FAM227A: variants seen among roughly 807,000 people sequenced by gnomAD.
FAM227A encodes family with sequence similarity 227 member A, also known as protein FAM227A.
FAM227A carries 80 observed loss-of-function variants against 74.7 expected under a neutral mutation model. The observed-to-expected ratio is 1.07, with a 90% confidence interval of 0.89 to 1.29. The LOEUF is 1.29. Ranked by LOEUF, FAM227A falls within the 50% of genes most tolerant of loss-of-function variation. The probability of loss-of-function intolerance (pLI) is 0.00; values close to 1 mark genes in which losing one functional copy is unlikely to be tolerated. For synonymous variants in FAM227A, 237 were observed against 241.8 expected (o/e 0.98, Z 0.19); for missense variants, 654 against 683.4 (o/e 0.96, Z 0.48).
chr22:38,613,298 TATATAATATATAAC>T (rs1569207487), intron 11 of FAM227A, among the ~76,000 whole-genome samples: 4 of 77,786 alleles, frequency 5.1e-5, no homozygotes, highest in South Asian at 3.2e-4. Context: ...ATATATATCA[TATATAATATATAAC>T]ATATAATATA....
chr22:38,630,369 C>T (rs2091893500), intron 6 of FAM227A, among the ~76,000 whole-genome samples: 1 of 152,252 alleles, frequency 6.6e-6, no homozygotes, highest in African/African-American at 2.4e-5. Flanking sequence ...GACTGGCAGT[C>T]TAGTGGAGTG....
intron 15 of FAM227A, among the ~76,000 whole-genome samples, chr22:38,596,520 C>T (rs1003431521): frequency 1.3e-5 from 2 of 152,028 alleles, no homozygotes; most frequent in Non-Finnish European, 2.9e-5. Context: ...CACTGCAGCC[C>T]GGGTGACTGA....
intron 5 of FAM227A, among the ~76,000 whole-genome samples, 173 bp from the exon 6 acceptor site, chr22:38,636,770 CTTT>C (rs34040804): frequency 3.4e-5 from 4 of 118,754 alleles, no homozygotes; most frequent in Non-Finnish European, 1.7e-5. Flanking sequence ...TACATTATTT[CTTT>C]TTTTTTTTTT....
chr22:38,589,084 A>G (rs1320549094), intron 16 of FAM227A, among the ~76,000 whole-genome samples: 1 of 152,190 alleles, frequency 6.6e-6, no homozygotes, highest in African/African-American at 2.4e-5. Context: ...AGTTCAATGA[A>G]GACATTAGGG....
At chr22:38,588,344 C>T (rs534660017) in intron 16 of FAM227A, among the ~76,000 whole-genome samples, 9 of 152,186 alleles carry the variant, frequency 5.9e-5, no homozygotes, top group Admixed American at 2.6e-4. Flanking sequence ...TTTAGCCAGG[C>T]GCGGTGGCTC....
chr22:38,613,113 ATAT>A (rs1276286234), intron 11 of FAM227A, among the ~76,000 whole-genome samples: 98 of 93,718 alleles, frequency 1.0e-3, no homozygotes, highest in African/African-American at 4.6e-3. Flanking sequence ...AATTATATAT[ATAT>A]TATATATAAT....
chr22:38,636,554 G>A lies in FAM227A; in HGVS notation c.416C>T (p.Ser139Phe). 6.4e-7 allele frequency: 1 copy of A among 1,551,648 alleles called. No homozygotes were observed. The highest frequency in any genetic ancestry group is 1.4e-5 in the African/African-American group (1 of 73,148). Reference protein sequence around the residue: ...KNLLAELYQYSNFNSSKPNKL... With the variant: ...KNLLAELYQYFNFNSSKPNKL... ...GTTTGGCTTGGAGCTGTTGAAGTTG[G>A]AATACTGGTACAGCTCTGCCAGCAG... The change falls in exon 6 of 17, where the codon TCC becomes TTC. Residue 139 changes from serine to phenylalanine, a missense_variant. By Grantham distance (155) the Ser-to-Phe change is radical (BLOSUM62 -2). Coordinates refer to ENST00000535113, the MANE Select transcript of FAM227A (RefSeq NM_001013647.2).
At chr22:38,615,745 G>T (rs1055183127) in intron 11 of FAM227A, among the ~76,000 whole-genome samples, 3 of 152,174 alleles carry the variant, frequency 2.0e-5, no homozygotes, top group Non-Finnish European at 4.4e-5. Context: ...GAGGTTTTAA[G>T]CAGGGAATAA....
At chr22:38,622,345 C>A (rs748426686) in intron 10 of FAM227A, among the ~76,000 whole-genome samples, 1 of 152,186 alleles carries the variant, frequency 6.6e-6, no homozygotes, top group African/African-American at 2.4e-5. Context: ...AAGCCATGAA[C>A]CTTTCCAGGC....
intron 4 of FAM227A, among the ~76,000 whole-genome samples, chr22:38,639,408 C>T (rs1392957792): frequency 7.8e-6 from 1 of 128,204 alleles, no homozygotes; most frequent in Admixed American, 8.2e-5. Flanking sequence ...GACTCCGTCT[C>T]GAAAAAAAAA....
At chr22:38,612,869 C>T (rs2091445550) in intron 11 of FAM227A, among the ~76,000 whole-genome samples, 1 of 150,932 alleles carries the variant, frequency 6.6e-6, no homozygotes, top group African/African-American at 2.4e-5. Flanking sequence ...CTGAAGCTAA[C>T]ACGGAGACTC....
chr22:38,600,933 AGAGT>A (rs1340882444), intron 13 of FAM227A, among the ~76,000 whole-genome samples: 1 of 150,976 alleles, frequency 6.6e-6, no homozygotes, highest in Non-Finnish European at 1.5e-5. Flanking sequence ...GCCTGGCGAC[AGAGT>A]GAGACTCCGT....
At chr22:38,650,495 T>A (rs927752606) in intron 1 of FAM227A, among the ~76,000 whole-genome samples, 3 of 152,150 alleles carry the variant, frequency 2.0e-5, no homozygotes, top group Non-Finnish European at 2.9e-5. Flanking sequence ...TGATGAAAAT[T>A]GTTCTAGTTT....
chr22:38,626,891 A>AAATATATAT (rs1555966996), intron 8 of FAM227A, among the ~76,000 whole-genome samples: 1 of 57,686 alleles, frequency 1.7e-5, no homozygotes, highest in African/African-American at 8.8e-5. Context: ...AAAAAAAAAA[A>AAATATATAT]ATATATATAT....
chr22:38,595,782 G>A (rs1404203570), intron 15 of FAM227A, among the ~76,000 whole-genome samples: 2 of 152,140 alleles, frequency 1.3e-5, no homozygotes, highest in African/African-American at 4.8e-5. Context: ...CATCACCTGT[G>A]AAAGATTTTG....
chr22:38,620,245 C>G lies in FAM227A; in HGVS notation c.1005G>C (p.Lys335Asn). Residue 335 changes from lysine to asparagine, a missense_variant, in exon 11 of 17, where the codon AAG (lysine) becomes AAC (asparagine). Coordinates refer to ENST00000535113, the MANE Select transcript of FAM227A (RefSeq NM_001013647.2). ...LFAGKRAFSQ[K>N]PAQSRKFYHP... Reference sequence around the variant, plus strand: ...GGTAGAATTTCCTGCTCTGGGCTGGCTTCTGGGAGAAGGCTCTCTTACCAG... The same window carrying G: ...GGTAGAATTTCCTGCTCTGGGCTGGGTTCTGGGAGAAGGCTCTCTTACCAG... 1 of 1,551,480 alleles carries G rather than the reference C, an allele frequency of 6.4e-7. No homozygotes were observed. The highest frequency in any genetic ancestry group is 2.4e-5 in the East Asian group (1 of 40,932).
At chr22:38,613,288 A>T (rs1467066172) in intron 11 of FAM227A, among the ~76,000 whole-genome samples, 11 of 84,026 alleles carry the variant, frequency 1.3e-4, no homozygotes, top group Non-Finnish European at 2.1e-4. Context: ...ATCATATATA[A>T]TATATATCAT....
At chr22:38,655,600 C>G (rs750160349) in intron 1 of FAM227A, among the ~76,000 whole-genome samples, 1 of 152,012 alleles carries the variant, frequency 6.6e-6, no homozygotes, top group Non-Finnish European at 1.5e-5. Context: ...ATGTTTTGGA[C>G]ATATGGAGTT....
chr22:38,622,417 CCAT>C lies in FAM227A; in HGVS notation c.958+752_958+754del, dbSNP rs1428395792. On this transcript the variant is annotated intron_variant, in intron 10 of 16. Coordinates refer to ENST00000535113, the MANE Select transcript of FAM227A (RefSeq NM_001013647.2). ...AGAGGGACTGGGCTTGCCTCCACCACCATGTTCCCAGTGCTGAGCAGAGTGCCT... is the reference window on the plus strand; with the variant it reads ...AGAGGGACTGGGCTTGCCTCCACCACGTTCCCAGTGCTGAGCAGAGTGCCT... Among the ~76,000 whole-genome samples, 5 of 152,350 alleles carry C rather than the reference CCAT, an allele frequency of 3.3e-5. No homozygotes were observed. The East Asian group carries it at 9.7e-4, about 29-fold the overall frequency.
Sources: gnomAD v4.1 joint callset for allele counts (sites outside exome capture counted in the v4.1 genomes callset) on GRCh38, gnomAD v4.1.1 for gene constraint, MANE v1.5 for transcripts, NCBI Gene and HGNC (gene_info 2026-07-23, HGNC 2026-07-21) for gene names.